The following RELN variants were observed in gnomAD, a reference collection of about 807,000 sequenced individuals.
RELN encodes reelin.
Under a neutral mutation model 427.6 loss-of-function variants are expected in RELN, and 108 were observed. The ratio of observed to expected loss-of-function variants is 0.25; its 90% CI spans 0.22 to 0.30. The LOEUF (loss-of-function observed/expected upper bound fraction) is 0.30, where lower values mean the gene tolerates loss of function less well. RELN is among the 10% of genes least tolerant of loss of function. RELN has a pLI of 1.00. For missense variants in RELN, 3,715 were observed against 4,302.8 expected (o/e 0.86, Z 3.82); for synonymous variants, 1,524 against 1,513.4 (o/e 1.01, Z -0.16).
At chr7:103,475,314 AT>A (rs1471902336) in intron 64 of RELN, among the ~76,000 whole-genome samples, 3 of 151,736 alleles carry the variant, frequency 2.0e-5, no homozygotes, top group African/African-American at 7.3e-5. Flanking sequence ...TTTTGTTGGT[AT>A]GGGGGCCAGT....
In RELN at chr7:103,651,763, T is replaced by C. The variant is rs886061859; in HGVS notation, c.1790A>G (p.His597Arg). 5.6e-6 allele frequency: 9 copies of C among 1,611,646 alleles called. No individual in the cohort carries two copies. The highest frequency in any genetic ancestry group is 1.1e-5 in the South Asian group (1 of 91,044). ...NSVSLEFSTN[H>R]GRSWSLLHTE... ...GTGAAGGAGGGACCAGGAGCGCCCA[T>C]GGTTGGTAGAAAATTCCAAGCTGAC... The change falls in exon 15 of 65, where the codon CAT becomes CGT. Residue 597 changes from histidine to arginine, a missense_variant. By Grantham distance (29) the His-to-Arg change is conservative (BLOSUM62 0). This residue lies in a region of RELN where 2,208 missense variants were observed against 2,361.7 expected (regional missense o/e 0.93). Transcript: ENST00000428762.
intron 1 of RELN, among the ~76,000 whole-genome samples, chr7:103,949,470 C>T (rs1796290240): frequency 6.6e-6 from 1 of 152,032 alleles, no homozygotes; most frequent in African/African-American, 2.4e-5. Context: ...GAGGAGCCCT[C>T]ACGAACGCGA....
intron 25 of RELN, among the ~76,000 whole-genome samples, chr7:103,594,823 T>C (rs1435683553): frequency 6.6e-6 from 1 of 152,216 alleles, no homozygotes; most frequent in African/African-American, 2.4e-5. Context: ...AATTGTTTAA[T>C]ACTATTACAT....
chr7:103,780,733 A>G (rs1257897251), intron 3 of RELN, among the ~76,000 whole-genome samples: 1 of 152,098 alleles, frequency 6.6e-6, no homozygotes, highest in Non-Finnish European at 1.5e-5. Context: ...ACCTGATCTC[A>G]TTCTTTTTTT....
intron 6 of RELN, among the ~76,000 whole-genome samples, chr7:103,744,034 G>A (rs1386600046): frequency 3.3e-5 from 5 of 152,130 alleles, no homozygotes; most frequent in East Asian, 1.9e-4. Context: ...CTCAGCAAAT[G>A]TAAAAGAACA....
intron 2 of RELN, among the ~76,000 whole-genome samples, chr7:103,871,042 T>C (rs2116525026): frequency 6.6e-6 from 1 of 152,258 alleles, no homozygotes; most frequent in African/African-American, 2.4e-5. Context: ...GAAGCTCACC[T>C]TTCCTGTTAC....
rs1353993122 is a variant in RELN at position 103,730,238 on chromosome 7, C to G, written c.657-2031G>C. On this transcript the variant is annotated intron_variant, in intron 6 of 64. Coordinates refer to ENST00000428762, the MANE Select transcript of RELN (RefSeq NM_005045.4). ...AGGCCTGCTGTTTGAACTTCTACAGCAATCATTTTGTCCATAAATATTGCT... is the reference window on the plus strand; with the variant it reads ...AGGCCTGCTGTTTGAACTTCTACAGGAATCATTTTGTCCATAAATATTGCT... Among the ~76,000 whole-genome samples, 4 of 152,106 alleles carry G rather than the reference C, an allele frequency of 2.6e-5. No individual in the cohort carries two copies. The East Asian group carries it at 7.7e-4, about 29-fold the overall frequency.
intron 6 of RELN, among the ~76,000 whole-genome samples, chr7:103,742,035 C>A (rs190569547): frequency 6.6e-6 from 1 of 152,214 alleles, no homozygotes; most frequent in East Asian, 1.9e-4. Context: ...CGGACTGACA[C>A]CGCACACGGC....
rs6967972 is a variant in RELN at position 103,953,895 on chromosome 7, A to G, written c.226+35236T>C. On this transcript the variant is annotated intron_variant, in intron 1 of 64. Coordinates refer to ENST00000428762, the MANE Select transcript of RELN (RefSeq NM_005045.4). The surrounding 1 kb of genome is among the most constrained non-coding windows in gnomAD (Gnocchi z 4.3). ...TGCAATGAGTCAAGACCGTGCCACTACATGCCAGGCTGTGCGGCAGAGCAA... is the reference window on the plus strand; with the variant it reads ...TGCAATGAGTCAAGACCGTGCCACTGCATGCCAGGCTGTGCGGCAGAGCAA... 0.62 allele frequency among the ~76,000 whole-genome samples: 93,617 copies of G among 151,878 alleles called. 29,191 individuals carry two copies. The highest frequency in any genetic ancestry group is 0.71 in the Middle Eastern group (208 of 294).
At chr7:103,821,331 A>G (rs914597026) in intron 3 of RELN, among the ~76,000 whole-genome samples, 10 of 152,158 alleles carry the variant, frequency 6.6e-5, no homozygotes, top group Non-Finnish European at 8.8e-5. Flanking sequence ...AATTAAAGTA[A>G]TCTCTTTCCA....
intron 2 of RELN, among the ~76,000 whole-genome samples, chr7:103,869,549 A>G (rs545315834): frequency 4.6e-5 from 7 of 152,066 alleles, no homozygotes; most frequent in Non-Finnish European, 1.0e-4. Flanking sequence ...TTCTGGGCTT[A>G]CAGTTTTATT....
chr7:103,761,919 G>A (rs184444883), intron 4 of RELN, among the ~76,000 whole-genome samples: 403 of 152,256 alleles, frequency 2.6e-3, no homozygotes, highest in South Asian at 5.4e-3. Context: ...AACATTTAGA[G>A]GTTGGAAGGA....
intron 53 of RELN, 106 bp downstream of exon 53, chr7:103,500,638 TG>T: frequency 9.0e-7 from 1 of 1,116,116 alleles, no homozygotes; most frequent in Non-Finnish European, 1.3e-6. Flanking sequence ...TTTTCTTTCC[TG>T]GGGGACCCAA....
At chr7:103,765,070 C>T (rs10435342) in intron 4 of RELN, among the ~76,000 whole-genome samples, 34,619 of 151,928 alleles carry the variant, frequency 0.23, 4,608 homozygotes, top group African/African-American at 0.36. Flanking sequence ...AGCCTGGCGA[C>T]ACACACTGCT....
intron 3 of RELN, among the ~76,000 whole-genome samples, chr7:103,802,315 TG>T (rs1792487530): frequency 1.3e-5 from 2 of 152,290 alleles, no homozygotes; most frequent in Non-Finnish European, 2.9e-5. Context: ...AATTAAGACA[TG>T]ACTAAATAAA....
At chr7:103,777,960 T>C (rs1002397846) in intron 3 of RELN, among the ~76,000 whole-genome samples, 3 of 149,634 alleles carry the variant, frequency 2.0e-5, no homozygotes, top group Non-Finnish European at 4.4e-5. Context: ...GGAGATACAA[T>C]TGGAGAGAAA....
Position 103,497,809 on chromosome 7 carries a change from CT to C in RELN, c.8950+10del. 6.2e-7 allele frequency: 1 copy of C among 1,612,916 alleles called. No individual in the cohort carries two copies. Among genetic ancestry groups the C allele is most frequent in the East Asian group, 2.2e-5 (1 of 44,866 alleles). On this transcript the variant is annotated intron_variant, in intron 55 of 64. Coordinates refer to ENST00000428762, the MANE Select transcript of RELN (RefSeq NM_005045.4). ...CTGCTCCAAGGGGTGGTTTTCACCCCTGACACATGCCTCCATCGGTAGAGTA... is the reference window on the plus strand; with the variant it reads ...CTGCTCCAAGGGGTGGTTTTCACCCCGACACATGCCTCCATCGGTAGAGTA...
At chr7:103,763,681 G>A (rs889275498) in intron 4 of RELN, among the ~76,000 whole-genome samples, 24 of 152,160 alleles carry the variant, frequency 1.6e-4, no homozygotes, top group African/African-American at 5.5e-4. Context: ...CATCTCTGAT[G>A]AAGGACATAC....
intron 2 of RELN, among the ~76,000 whole-genome samples, chr7:103,913,762 T>C (rs1156874604): frequency 1.3e-5 from 2 of 152,212 alleles, no homozygotes. Context: ...CTAAACATTA[T>C]TCATGAAAAT....
Sources: gnomAD v4.1 joint callset for allele counts (sites outside exome capture counted in the v4.1 genomes callset) on GRCh38, gnomAD v4.1.1 for gene constraint, gnomAD v4.1.1 regional missense constraint, Gnocchi (gnomAD v3.1) non-coding constraint, MANE v1.5 for transcripts, NCBI Gene and HGNC (gene_info 2026-07-23, HGNC 2026-07-21) for gene names.